BPIFB3: variants seen among roughly 807,000 people sequenced by gnomAD.
The protein encoded by BPIFB3 is BPI fold containing family B member 3.
Under a neutral mutation model 53.1 loss-of-function variants are expected in BPIFB3, and 49 were observed. The observed-to-expected ratio is 0.92, with a 90% CI of 0.73 to 1.17. BPIFB3 has a LOEUF of 1.17. Ranked by LOEUF, BPIFB3 falls within the 50% of genes most tolerant of loss-of-function variation. The pLI, the probability that BPIFB3 is intolerant of heterozygous loss-of-function variation, is 0.00. For synonymous variants in BPIFB3, 271 were observed against 269.6 expected, an observed-to-expected ratio of 1.01 and a Z score of -0.05; for missense variants, 628 against 592.5, an observed-to-expected ratio of 1.06 and a Z score of -0.62.
exon 2 of BPIFB3, chr20:33,056,652 T>C: frequency 6.2e-7 from 1 of 1,612,272 alleles, no homozygotes; most frequent in South Asian, 1.1e-5. Flanking sequence ...AGGAGGCGGC[T>C]TGCTGGGCCA....
intron 9 of BPIFB3, 136 bp from the exon 11 acceptor site, chr20:33,068,667 G>C: frequency 1.1e-6 from 1 of 892,940 alleles, no homozygotes; most frequent in Non-Finnish European, 1.7e-6. Flanking sequence ...GCTGAGCCCA[G>C]GCCTGTGTCT....
At chr20:33,064,950 C>T (rs1013353272) in intron 8 of BPIFB3, 105 bp downstream of exon 9, 16 of 1,264,186 alleles carry the variant, frequency 1.3e-5, no homozygotes, top group Admixed American at 5.0e-5. Flanking sequence ...GAGCCCTCCT[C>T]TCTATAATAA....
At chr20:33,071,714 TG>T (rs1235806806) in intron 12 of BPIFB3, among the ~76,000 whole-genome samples, 2 of 152,174 alleles carry the variant, frequency 1.3e-5, no homozygotes. Flanking sequence ...AATCTCACCA[TG>T]GGCTCAGGTT....
At chr20:33,069,806 C>T (rs1032818011) in intron 10 of BPIFB3, 82 bp from the exon 12 acceptor site, 125 of 1,401,834 alleles carry the variant, frequency 8.9e-5, no homozygotes, top group South Asian at 2.4e-4. Context: ...GGTTAGTGGA[C>T]GGAACAGATG....
intron 5 of BPIFB3, 28 bp downstream of exon 6, chr20:33,061,859 G>A (rs746857109): frequency 3.2e-5 from 52 of 1,612,430 alleles, no homozygotes; most frequent in Non-Finnish European, 4.4e-5. Flanking sequence ...GTGCCAGCAT[G>A]CCCTCTCCCA....
chr20:33,064,948 C>T, intron 8 of BPIFB3, 103 bp downstream of exon 9: 1 of 1,275,958 alleles, frequency 7.8e-7, no homozygotes, highest in Non-Finnish European at 1.1e-6. Flanking sequence ...CTGAGCCCTC[C>T]TCTCTATAAT....
At chr20:33,053,968 A>G (rs2146376779), upstream of BPIFB3, among the ~76,000 whole-genome samples, 1 of 152,250 alleles carries the variant, frequency 6.6e-6, no homozygotes, top group East Asian at 1.9e-4. Flanking sequence ...GAGCAAGGGT[A>G]AGACAGCCTG....
chr20:33,064,805 A>G (rs1276348532), exon 8 of BPIFB3: 1 of 1,613,948 alleles, frequency 6.2e-7, no homozygotes, highest in Non-Finnish European at 8.5e-7. Flanking sequence ...GGACTCCTGC[A>G]GACCAACGGC....
chr20:33,055,952 G>A (rs367550285), intron 1 of BPIFB3, among the ~76,000 whole-genome samples: 1 of 152,186 alleles, frequency 6.6e-6, no homozygotes, highest in African/African-American at 2.4e-5. Context: ...CAGGGATAGA[G>A]TAGATTGGTC....
chr20:33,068,862 T>C (rs1980770724), exon 10 of BPIFB3: 1 of 1,613,822 alleles, frequency 6.2e-7, no homozygotes, highest in African/African-American at 1.3e-5. Flanking sequence ...TGAGGGAAGC[T>C]CCCACGGTCA....
chr20:33,072,518 GAC>G (rs1451746517), intron 13 of BPIFB3, among the ~76,000 whole-genome samples, 197 bp from the exon 15 acceptor site: 1 of 152,298 alleles, frequency 6.6e-6, no homozygotes, highest in East Asian at 1.9e-4. Flanking sequence ...GGGCACCACT[GAC>G]ACAATACAGA....
chr20:33,061,977 A>G (rs1980479350), intron 5 of BPIFB3, 146 bp downstream of exon 6: 1 of 922,604 alleles, frequency 1.1e-6, no homozygotes, highest in African/African-American at 1.7e-5. Context: ...GGGCCTGCTG[A>G]CCGGCCTTCC....
chr20:33,063,784 T>C, intron 6 of BPIFB3, 109 bp downstream of exon 7: 1 of 1,115,140 alleles, frequency 9.0e-7, no homozygotes, highest in South Asian at 1.5e-5. Flanking sequence ...CTCAGGGTCC[T>C]TTAGTTCCTC....
At chr20:33,064,958 T>C in intron 8 of BPIFB3, 113 bp downstream of exon 9, 1 of 1,185,128 alleles carries the variant, frequency 8.4e-7, no homozygotes, top group Non-Finnish European at 1.2e-6. Context: ...CTCTCTATAA[T>C]AAAAGGGAGT....
At position 33,068,755 on chromosome 20, in the gene BPIFB3, C is replaced by CTGAT. The variant is rs763571768; in HGVS notation, c.979-45_979-42dup. Reference sequence around the variant, plus strand: ...TAGTGAGTGTTTGCTGACTGACTGACTGATTGTAGTCCTGGGGCATCTAAG... The same window carrying CTGAT: ...TAGTGAGTGTTTGCTGACTGACTGACTGATTGATTGTAGTCCTGGGGCATCTAAG... On this transcript the variant is annotated intron_variant, in intron 9 of 14. Transcript: ENST00000375494. The CTGAT allele has an allele frequency of 1.9e-6, 3 of 1,575,486 alleles. No individual in the cohort carries two copies. The South Asian group carries it at 3.5e-5, about 18-fold the overall frequency.
chr20:33,067,583 T>C (rs1254105226), intron 9 of BPIFB3, among the ~76,000 whole-genome samples: 5 of 152,208 alleles, frequency 3.3e-5, no homozygotes, highest in Admixed American at 1.3e-4. Flanking sequence ...GGCCTCAGCT[T>C]TCCAGAGTCC....
In BPIFB3 at chr20:33,072,811, A is replaced by G. The variant is rs112042496; in HGVS notation, c.1401+18A>G. ...TCGTAGAGGTGAGCCTTCTCTGCAG[A>G]TACGGCCCAGGTGGGCCTTAAGCTT... On this transcript the variant is annotated intron_variant, in intron 14 of 14. Transcript: ENST00000375494. 12 of 1,596,592 alleles carry G rather than the reference A, an allele frequency of 7.5e-6. No individual in the cohort carries two copies. The African/African-American group carries it at 1.2e-4, about 16-fold the overall frequency.
chr20:33,057,906 G>C (rs1269699797), intron 2 of BPIFB3, among the ~76,000 whole-genome samples: 2 of 152,058 alleles, frequency 1.3e-5, no homozygotes, highest in African/African-American at 2.4e-5. Flanking sequence ...CACCTATTCA[G>C]GGTTTTCTGT....
At chr20:33,072,785 A>G in exon 14 of BPIFB3, 2 of 1,612,934 alleles carry the variant, frequency 1.2e-6, no homozygotes, top group South Asian at 1.1e-5. Context: ...AGTTCTGGAG[A>G]TCGTAGAGGT....
Sources: gnomAD v4.1 joint callset for allele counts (sites outside exome capture counted in the v4.1 genomes callset) on GRCh38, gnomAD v4.1.1 for gene constraint, MANE v1.5 for transcripts, NCBI Gene and HGNC (gene_info 2026-07-23, HGNC 2026-07-21) for gene names.